The following TMEM63A variants were observed in gnomAD, a reference collection of about 807,000 sequenced individuals.
The protein encoded by TMEM63A is transmembrane protein 63A.
A neutral mutation model predicts 100.6 loss-of-function variants in TMEM63A; 76 were observed. The ratio of observed to expected loss-of-function variants is 0.76; its 90% CI spans 0.63 to 0.91. The LOEUF (loss-of-function observed/expected upper bound fraction) is 0.91, where lower values mean the gene tolerates loss of function less well. Among genes scored for constraint, TMEM63A ranks in the 40% least tolerant of loss-of-function variants. The pLI is 0.00. For synonymous variants in TMEM63A, 401 were observed against 401.1 expected (o/e 1.00, Z 0.00); for missense variants, 876 against 1,008.8 (o/e 0.87, Z 1.78).
At chr1:225,866,879 T>C (rs1156913735) in intron 8 of TMEM63A, 197 bp from the exon 9 acceptor site, 1 of 667,514 alleles carries the variant, frequency 1.5e-6, no homozygotes, top group Admixed American at 2.6e-5. Context: ...CCCATCCCTG[T>C]CCTGACAAAT....
Position 225,859,334 on chromosome 1 carries a change from G to C in TMEM63A, c.1239C>G (p.Ile413Met). Residue 413 changes from isoleucine to methionine, a missense_variant, in exon 15 of 25, where the codon ATC (isoleucine) becomes ATG (methionine). Ile to Met is a conservative substitution (Grantham distance 10). This residue lies in a region of TMEM63A where 487 missense variants were observed against 581.9 expected (regional missense o/e 0.84). Coordinates refer to ENST00000366835, the MANE Select transcript of TMEM63A (RefSeq NM_014698.3). ...PEDICWKNLS[I>M]QGLRWWLQWL... Reference sequence around the variant, plus strand: ...ACTGTAGCCACCAGCGGAGGCCCTGGATAGAGAGGTTCTTCCTGCAGCGGG... The same window carrying C: ...ACTGTAGCCACCAGCGGAGGCCCTGCATAGAGAGGTTCTTCCTGCAGCGGG... The C allele has an allele frequency of 1.2e-6, 2 of 1,614,044 alleles. No homozygotes were observed. Among genetic ancestry groups the C allele is most frequent in the Non-Finnish European group, 1.7e-6 (2 of 1,180,036 alleles).
chr1:225,870,352 G>GAA (rs34918009), intron 6 of TMEM63A, among the ~76,000 whole-genome samples: 2,055 of 140,746 alleles, frequency 0.015, 25 homozygotes, highest in African/African-American at 0.033. Context: ...AACTCGGTCT[G>GAA]AAAAAAAAAA....
intron 6 of TMEM63A, among the ~76,000 whole-genome samples, chr1:225,868,700 A>G (rs1265303398): frequency 6.6e-6 from 1 of 151,712 alleles, no homozygotes; most frequent in African/African-American, 2.4e-5. Context: ...AAAGAAAAAA[A>G]AAAAAAGAAT....
chr1:225,862,640 T>A lies in TMEM63A; in HGVS notation c.828-62A>T. On this transcript the variant is annotated intron_variant, in intron 11 of 24. Transcript: ENST00000366835. The surrounding 1 kb of genome is among the most constrained non-coding windows in gnomAD (Gnocchi z 5.1). ...TAGAATCCTGTGGCAGGGACCCCCATACCCACAGTTCAACCATCGAACGCC... is the reference window on the plus strand; with the variant it reads ...TAGAATCCTGTGGCAGGGACCCCCAAACCCACAGTTCAACCATCGAACGCC... The A allele has an allele frequency of 6.2e-7, 1 of 1,602,516 alleles. No homozygotes were observed. Among genetic ancestry groups the A allele is most frequent in the Non-Finnish European group, 8.5e-7 (1 of 1,172,904 alleles).
downstream of TMEM63A, chr1:225,840,977 C>T (rs1668353431): frequency 6.6e-6 from 1 of 152,194 alleles, no homozygotes; most frequent in Admixed American, 6.5e-5. Context: ...AAGTACAAAA[C>T]ATTAAAGACA....
Position 225,862,844 on chromosome 1 carries a change from A to G in TMEM63A, c.754T>C (p.Tyr252His), listed in dbSNP as rs1237211783. 1 of 1,613,680 alleles carries G rather than the reference A, an allele frequency of 6.2e-7. No individual in the cohort carries two copies. The highest frequency in any genetic ancestry group is 8.5e-7 in the Non-Finnish European group (1 of 1,179,954). Residue 252 changes from tyrosine to histidine, a missense_variant, in exon 11 of 25, where the codon TAT (tyrosine) becomes CAT (histidine). Coordinates refer to ENST00000366835, the MANE Select transcript of TMEM63A (RefSeq NM_014698.3). The surrounding 1 kb of genome is among the most constrained non-coding windows in gnomAD (Gnocchi z 5.1). ...ETVESHFRDA[Y>H]PTCEVVDVQL... ...ACATCAACCACCTCACACGTGGGAT[A>G]CGCGTCCCTGTGGCCAGGGAGAGAA...
In TMEM63A at chr1:225,866,211, G is replaced by A; in HGVS notation, c.676-244C>T. 6 of 548,902 alleles carry A rather than the reference G, an allele frequency of 1.1e-5. No homozygotes were observed. In the South Asian group the frequency reaches 1.3e-4, roughly 11 times the overall value. 34.0% of individuals were successfully genotyped at this position (548,902 alleles called of 1,614,324 possible). A position where few individuals can be genotyped will look rare whatever the true frequency, so the allele number is the denominator to read the frequency against. ...AGCCTTCTTTGCATGGCAGGAGACT[G>A]AGAAAGAGGGGAAGTGACTCAAATG... On this transcript the variant is annotated intron_variant, in intron 9 of 24. Coordinates refer to ENST00000366835, the MANE Select transcript of TMEM63A (RefSeq NM_014698.3).
At chr1:225,857,504 T>C (rs759274082) in intron 15 of TMEM63A, among the ~76,000 whole-genome samples, 1 of 152,054 alleles carries the variant, frequency 6.6e-6, no homozygotes, top group Non-Finnish European at 1.5e-5. Context: ...GCTGATTGAC[T>C]TATTACTGTC....
chr1:225,863,021 A>G lies in TMEM63A; in HGVS notation c.747-170T>C, dbSNP rs980403788. The stretch of plus-strand genomic sequence containing the variant: ...TGTCTTTTATCCTCCAAAAGGGGGA[A>G]ATTTTGAAATTTAATACAAAGAGGG... On this transcript the variant is annotated intron_variant, in intron 10 of 24. Transcript: ENST00000366835. 7.0e-5 allele frequency: 45 copies of G among 639,854 alleles called. No individual in the cohort carries two copies. In the African/African-American group the frequency reaches 7.9e-4, roughly 11 times the overall value. The allele number at this position is 639,854 out of a possible 1,614,324, so 39.6% of individuals were successfully genotyped here.
intron 22 of TMEM63A, 38 bp downstream of exon 22, chr1:225,848,859 C>T (rs1669167929): frequency 6.6e-7 from 1 of 1,506,238 alleles, no homozygotes; most frequent in Non-Finnish European, 9.1e-7. Context: ...TCTGTTCCTC[C>T]CAGGGCTTGA....
chr1:225,850,692 G>T (rs563191696), intron 20 of TMEM63A, among the ~76,000 whole-genome samples: 1 of 152,142 alleles, frequency 6.6e-6, no homozygotes, highest in Non-Finnish European at 1.5e-5. Context: ...CGCACTGACA[G>T]GCAAAATATC....
intron 4 of TMEM63A, among the ~76,000 whole-genome samples, chr1:225,873,150 G>C (rs948359359): frequency 4.6e-5 from 7 of 152,136 alleles, no homozygotes; most frequent in Admixed American, 4.6e-4. Context: ...GAAGGAGACC[G>C]ACCCTATTAA....
intron 6 of TMEM63A, among the ~76,000 whole-genome samples, chr1:225,868,682 A>C (rs1247256704): frequency 1.3e-5 from 2 of 151,082 alleles, no homozygotes; most frequent in Non-Finnish European, 3.0e-5. Flanking sequence ...GTGAGACTCC[A>C]TCTCAAAAAA....
rs758599855 is a variant in TMEM63A at position 225,856,763 on chromosome 1, T to C, written c.1485-25A>G. The C allele has an allele frequency of 1.9e-6, 3 of 1,609,212 alleles. No individual in the cohort carries two copies. The East Asian group carries it at 6.7e-5, about 36-fold the overall frequency. On this transcript the variant is annotated intron_variant, in intron 16 of 24. Transcript: ENST00000366835. ...CCTGCAGGAAGTCAAAGGTGAGCAC[T>C]CGCAGTCCCCCAAATGCTCTATGTG... is the stretch of plus-strand genomic sequence containing the variant.
chr1:225,874,207 C>T (rs931297639), intron 4 of TMEM63A, 81 bp downstream of exon 4: 13 of 1,325,788 alleles, frequency 9.8e-6, no homozygotes, highest in South Asian at 6.4e-5. Flanking sequence ...TATGCACACA[C>T]GCACATATAC....
downstream of TMEM63A, chr1:225,845,041 G>A (rs868836101): frequency 3.3e-6 from 4 of 1,208,084 alleles, no homozygotes; most frequent in African/African-American, 4.5e-5. Context: ...GCTCCTTGTG[G>A]GTGGGCCAGC....
rs755524860 is a variant in TMEM63A at position 225,860,812 on chromosome 1, C to T, written c.1223+48G>A. ...TGCTCCAGGTGATGGGCAGCTCCCA[C>T]CAGGAACCCAGGCCTCTCTCCCACC... On this transcript the variant is annotated intron_variant, in intron 14 of 24. Transcript: ENST00000366835. 2.6e-6 allele frequency: 4 copies of T among 1,550,186 alleles called. No individual in the cohort carries two copies. In the East Asian group the frequency reaches 6.9e-5, roughly 27 times the overall value.
chr1:225,842,302 C>A (rs916717984), downstream of TMEM63A: 1 of 1,253,488 alleles, frequency 8.0e-7, no homozygotes, highest in Admixed American at 1.7e-5. Context: ...ACACATCACA[C>A]CTGAAGCTCC....
chr1:225,871,873 A>G, intron 5 of TMEM63A, 114 bp downstream of exon 5: 1 of 785,648 alleles, frequency 1.3e-6, no homozygotes, highest in Non-Finnish European at 2.1e-6. Context: ...GTCGATGCAG[A>G]AAAGCACTTT....
Sources: allele counts gnomAD v4.1 joint callset (sites outside exome capture counted in the v4.1 genomes callset), GRCh38; gene constraint gnomAD v4.1.1; regional missense constraint gnomAD v4.1.1; non-coding constraint Gnocchi (gnomAD v3.1); transcripts MANE v1.5; gene names NCBI Gene and HGNC (gene_info 2026-07-23, HGNC 2026-07-21).